Variants in MAP3K4 observed in about 807,000 individuals in gnomAD.
MAP3K4 encodes mitogen-activated protein kinase kinase kinase 4.
Under a neutral mutation model 185.6 loss-of-function variants are expected in MAP3K4, and 67 were observed. The observed-to-expected ratio is 0.36, with a 90% CI of 0.30 to 0.44. MAP3K4 has a LOEUF of 0.44. Among genes scored for constraint, MAP3K4 ranks in the 20% least tolerant of loss-of-function variants. MAP3K4 has a pLI of 1.00. For missense variants in MAP3K4, 1,551 were observed against 1,995.1 expected (o/e 0.78, Z 4.24); for synonymous variants, 702 against 710.4 (o/e 0.99, Z 0.19).
At position 161,075,721 on chromosome 6, in the gene MAP3K4, C is replaced by G. The variant is rs1210684483; in HGVS notation, c.2097+2109C>G. 6.6e-6 allele frequency among the ~76,000 whole-genome samples: 1 copy of G among 152,158 alleles called. No homozygotes were observed. Among genetic ancestry groups the G allele is most frequent in the Admixed American group, 6.5e-5 (1 of 15,278 alleles). On this transcript the variant is annotated intron_variant, in intron 5 of 26. Coordinates refer to ENST00000392142, the MANE Select transcript of MAP3K4 (RefSeq NM_005922.4). This position sits in a 1 kb window ranked among gnomAD's most constrained non-coding sequence, Gnocchi z 4.3. Reference sequence around the variant, plus strand: ...GGTGAGCCTGTGTGATAGTGGAAGTCTAGGCTAAGTGACTTACCAACATTC... The same window carrying G: ...GGTGAGCCTGTGTGATAGTGGAAGTGTAGGCTAAGTGACTTACCAACATTC...
chr6:161,025,560 A>C (rs958534443), intron 1 of MAP3K4, among the ~76,000 whole-genome samples: 2 of 152,214 alleles, frequency 1.3e-5, no homozygotes, highest in Non-Finnish European at 2.9e-5. Context: ...TGTAATCCAA[A>C]TTTTAAGAAA....
At chr6:160,998,207 T>C (rs1051053710) in intron 1 of MAP3K4, among the ~76,000 whole-genome samples, 1 of 152,158 alleles carries the variant, frequency 6.6e-6, no homozygotes, top group Non-Finnish European at 1.5e-5. Context: ...GTCCCTATTT[T>C]TCTCCTGATT....
chr6:161,062,786 T>C lies in MAP3K4; in HGVS notation c.1708-7822T>C, dbSNP rs772483186. Among the ~76,000 whole-genome samples the C allele has an allele frequency of 2.0e-5, 3 of 152,342 alleles. 1 individual carries two copies. In the South Asian group the frequency reaches 6.2e-4, roughly 32 times the overall value. ...TGAATACCTAAAGGATTTTTTTCTTTAAACTCTACTAGTTTTACAGTGTTG... is the reference window on the plus strand; with the variant it reads ...TGAATACCTAAAGGATTTTTTTCTTCAAACTCTACTAGTTTTACAGTGTTG... On this transcript the variant is annotated intron_variant, in intron 3 of 26. Transcript: ENST00000392142.
rs1375074401 is a variant in MAP3K4, at chr6:161,097,826, G to A, written c.3525-452G>A. ...AGGGGACCGGGGTGCGGTGACTCACGCCTGTAATTCCAGCACTTTAGGAGG... is the reference window on the plus strand; with the variant it reads ...AGGGGACCGGGGTGCGGTGACTCACACCTGTAATTCCAGCACTTTAGGAGG... On this transcript the variant is annotated intron_variant, in intron 16 of 26. Coordinates refer to ENST00000392142, the MANE Select transcript of MAP3K4 (RefSeq NM_005922.4). The surrounding 1 kb of genome is among the most constrained non-coding windows in gnomAD (Gnocchi z 4.9). 4.0e-5 allele frequency among the ~76,000 whole-genome samples: 6 copies of A among 151,620 alleles called. No individual in the cohort carries two copies. The highest frequency in any genetic ancestry group is 7.4e-5 in the Non-Finnish European group (5 of 67,952).
chr6:161,029,378 A>G (rs942029015), intron 1 of MAP3K4, among the ~76,000 whole-genome samples: 2 of 152,152 alleles, frequency 1.3e-5, no homozygotes, highest in African/African-American at 2.4e-5. Context: ...TCAGAGCAGA[A>G]CTATTTAACC....
In MAP3K4 at chr6:161,049,645, C is replaced by T. The variant is rs549353618; in HGVS notation, c.1373C>T (p.Thr458Met). The change falls in exon 3 of 27, where the codon ACG (threonine) becomes ATG (methionine). Residue 458 changes from threonine (T) to methionine (M), a missense_variant. By Grantham distance (81) the Thr-to-Met change is moderately conservative. Transcript: ENST00000392142. This position sits in a 1 kb window ranked among gnomAD's most constrained non-coding sequence, Gnocchi z 8.4. ...EGELKELESS[T>M]DESEEEQISD... ...GAATTAAAGGAGTTGGAAAGTAGTACGGATGAGAGTGAAGAAGAACAAATC... is the reference window on the plus strand; with the variant it reads ...GAATTAAAGGAGTTGGAAAGTAGTATGGATGAGAGTGAAGAAGAACAAATC... 123 of 1,614,048 alleles carry T rather than the reference C, an allele frequency of 7.6e-5. No homozygotes were observed. The highest frequency in any genetic ancestry group is 1.9e-4 in the African/African-American group (14 of 75,008).
At chr6:161,040,889 A>G (rs1045712854) in intron 2 of MAP3K4, among the ~76,000 whole-genome samples, 3 of 152,246 alleles carry the variant, frequency 2.0e-5, no homozygotes, top group African/African-American at 7.2e-5. Flanking sequence ...CTTTCTCCCC[A>G]TTGATCAAAC....
intron 1 of MAP3K4, among the ~76,000 whole-genome samples, chr6:160,994,837 ATTATAGG>A (rs1436669782): frequency 1.3e-5 from 2 of 151,862 alleles, no homozygotes; most frequent in Non-Finnish European, 2.9e-5. Flanking sequence ...GGTAGCTGGG[ATTATAGG>A]TGCCTGCCAC....
intron 3 of MAP3K4, among the ~76,000 whole-genome samples, chr6:161,050,185 G>A (rs955217782): frequency 6.6e-6 from 1 of 152,094 alleles, no homozygotes; most frequent in South Asian, 2.1e-4. Flanking sequence ...TTAAGTGCAG[G>A]GTGGTATGTG....
chr6:161,077,916 G>A lies in MAP3K4; in HGVS notation c.2098-2965G>A, dbSNP rs1447302252. On this transcript the variant is annotated intron_variant, in intron 5 of 26. Transcript: ENST00000392142. The surrounding 1 kb of genome is among the most constrained non-coding windows in gnomAD (Gnocchi z 4.3). ...ATATGTATATACGAGAAAAGGGTGA[G>A]GTTCCTCAGACTTCTGGAGGAGATG... 6.6e-6 allele frequency among the ~76,000 whole-genome samples: 1 copy of A among 152,100 alleles called. No individual in the cohort carries two copies. Among genetic ancestry groups the A allele is most frequent in the African/African-American group, 2.4e-5 (1 of 41,408 alleles).
intron 19 of MAP3K4, among the ~76,000 whole-genome samples, chr6:161,105,434 G>A (rs547713592): frequency 6.6e-6 from 1 of 152,306 alleles, no homozygotes; most frequent in Admixed American, 6.5e-5. Context: ...AATGTGTGAG[G>A]AAGTTAATTA....
chr6:161,081,310 C>G (rs561661306), intron 6 of MAP3K4, among the ~76,000 whole-genome samples: 1 of 152,008 alleles, frequency 6.6e-6, no homozygotes, highest in African/African-American at 2.4e-5. Flanking sequence ...GGGAGGGAGG[C>G]TGCCGCACAT....
chr6:161,015,278 G>A lies in MAP3K4; in HGVS notation c.153-18981G>A, dbSNP rs770455715. ...ACAATGAGAACACATGGACACATGG[G>A]GGGGAAACAGCACACACTGGGGCCT... On this transcript the variant is annotated intron_variant, in intron 1 of 26. Transcript: ENST00000392142. 3.3e-5 allele frequency among the ~76,000 whole-genome samples: 5 copies of A among 151,846 alleles called. No homozygotes were observed. The East Asian group carries it at 5.8e-4, about 18-fold the overall frequency.
rs1004215623 is a variant in MAP3K4, at chr6:161,092,056, A to G, written c.3182A>G (p.Lys1061Arg). 10 of 1,613,626 alleles carry G rather than the reference A, an allele frequency of 6.2e-6. No homozygotes were observed. The African/African-American group carries it at 1.2e-4, about 19-fold the overall frequency. Reference protein sequence around the residue: ...VRLMSGEFRQKIGDKYISFAR... With the variant: ...VRLMSGEFRQRIGDKYISFAR... ...TTGATGTCTGGGGAGTTTAGACAGA[A>G]GATAGGAGACAAATATATAAGCTTT... The change falls in exon 13 of 27, where the codon AAG becomes AGG. Residue 1061 changes from lysine to arginine, a missense_variant. Coordinates refer to ENST00000392142, the MANE Select transcript of MAP3K4 (RefSeq NM_005922.4).
chr6:161,084,699 T>C lies in MAP3K4; in HGVS notation c.2372+82T>C. On this transcript the variant is annotated intron_variant, in intron 7 of 26. Coordinates refer to ENST00000392142, the MANE Select transcript of MAP3K4 (RefSeq NM_005922.4). The surrounding 1 kb of genome is among the most constrained non-coding windows in gnomAD (Gnocchi z 4.6). ...TGGTGAGATCCTAGAAGGAGCCTTG[T>C]TCAAACCAAATTGTGTTGGCCTGGA... is the stretch of plus-strand genomic sequence containing the variant. The C allele has an allele frequency of 2.6e-6, 2 of 780,396 alleles. No individual in the cohort carries two copies. The highest frequency in any genetic ancestry group is 3.2e-5 in the South Asian group (2 of 61,544). The allele number at this position is 780,396 out of a possible 1,614,324, so 48.3% of individuals were successfully genotyped here. A position where few individuals can be genotyped will look rare whatever the true frequency, so the allele number is the denominator to read the frequency against.
chr6:161,030,115 C>G (rs1016740031), intron 1 of MAP3K4, among the ~76,000 whole-genome samples: 2 of 152,148 alleles, frequency 1.3e-5, no homozygotes, highest in Admixed American at 1.3e-4. Context: ...TTCAGCCCTT[C>G]TTCAGAGATT....
chr6:161,095,470 G>T (rs1359321573), intron 15 of MAP3K4, among the ~76,000 whole-genome samples: 1 of 152,066 alleles, frequency 6.6e-6, no homozygotes, highest in Non-Finnish European at 1.5e-5. Flanking sequence ...CTTTCCCTCT[G>T]TTGTAAGCAC....
At chr6:161,068,394 A>T (rs138911818) in intron 3 of MAP3K4, among the ~76,000 whole-genome samples, 1,603 of 152,338 alleles carry the variant, frequency 0.011, 17 homozygotes, top group Non-Finnish European at 0.019. Context: ...AGAACTTCTG[A>T]TAATAAAAGG....
chr6:160,998,478 A>G (rs1036534893), intron 1 of MAP3K4, among the ~76,000 whole-genome samples: 1 of 152,232 alleles, frequency 6.6e-6, no homozygotes, highest in Non-Finnish European at 1.5e-5. Flanking sequence ...TGTTACTAAA[A>G]TTGAAATTGA....
Sources: allele counts gnomAD v4.1 joint callset (sites outside exome capture counted in the v4.1 genomes callset), GRCh38; gene constraint gnomAD v4.1.1; non-coding constraint Gnocchi (gnomAD v3.1); transcripts MANE v1.5; gene names NCBI Gene and HGNC (gene_info 2026-07-23, HGNC 2026-07-21).